Variants in EXOC2 observed in about 807,000 individuals in gnomAD.
EXOC2 encodes exocyst complex component 2, also known as SEC5-like 1.
In EXOC2, 70 loss-of-function variants were observed where a neutral mutation model predicts 131.8. The observed-to-expected ratio is 0.53, with a 90% CI of 0.44 to 0.65. The LOEUF is 0.65. Ranked by LOEUF, EXOC2 falls within the 30% of genes least tolerant of loss-of-function variation. EXOC2 has a pLI of 0.00. For missense variants in EXOC2, 923 were observed against 1,108.6 expected (o/e 0.83, Z 2.38); for synonymous variants, 411 against 398.4 (o/e 1.03, Z -0.38).
At chr6:579,896 A>T (rs956659789) in intron 11 of EXOC2, among the ~76,000 whole-genome samples, 1 of 152,236 alleles carries the variant, frequency 6.6e-6, no homozygotes, top group Non-Finnish European at 1.5e-5. Flanking sequence ...AAAAGAAAAA[A>T]ACAGTTTCCA....
At chr6:684,874 G>A (rs1042023722) in intron 1 of EXOC2, among the ~76,000 whole-genome samples, 1 of 152,152 alleles carries the variant, frequency 6.6e-6, no homozygotes, top group African/African-American at 2.4e-5. Flanking sequence ...ATTTAGTAAT[G>A]AAGAGTTTCG....
chr6:571,510 A>G lies in EXOC2; in HGVS notation c.1443+1010T>C, dbSNP rs56986853. Among the ~76,000 whole-genome samples the G allele has an allele frequency of 4.5e-3, 687 of 152,306 alleles. 4 individuals are homozygous for G. The highest frequency in any genetic ancestry group is 0.016 in the African/African-American group (663 of 41,552). On this transcript the variant is annotated intron_variant, in intron 13 of 27. Transcript: ENST00000230449. ...AGCACATCTCTATTTCCTTAATATC[A>G]GCATGAATTTATGGTCATGGCCAAA...
intron 13 of EXOC2, among the ~76,000 whole-genome samples, chr6:567,721 G>GTGCA (rs1405255000): frequency 3.9e-5 from 6 of 152,280 alleles, no homozygotes; most frequent in Admixed American, 6.5e-5. Flanking sequence ...TATATTACGT[G>GTGCA]TGCATGCATG....
intron 20 of EXOC2, 78 bp downstream of exon 20, chr6:555,149 A>T (rs544684410): frequency 1.3e-6 from 1 of 792,878 alleles, no homozygotes; most frequent in East Asian, 2.9e-5. Flanking sequence ...CTTAGGATAT[A>T]AGACCAAGCA....
chr6:488,905 T>C (rs150334185), intron 27 of EXOC2, 74 bp downstream of exon 27: 18,697 of 1,438,870 alleles, frequency 0.013, 143 homozygotes, highest in Middle Eastern at 0.016. Flanking sequence ...TCATTATTTT[T>C]AAAAGGTATT....
intron 1 of EXOC2, among the ~76,000 whole-genome samples, chr6:649,528 A>G (rs893986781): frequency 2.0e-5 from 3 of 152,064 alleles, no homozygotes; most frequent in Non-Finnish European, 4.4e-5. Context: ...AAAAAAAATC[A>G]TAATTCTGAT....
intron 23 of EXOC2, among the ~76,000 whole-genome samples, chr6:508,788 G>A (rs1764698442): frequency 6.6e-6 from 1 of 152,218 alleles, no homozygotes; most frequent in Admixed American, 6.5e-5. Flanking sequence ...TTGGCTAAAT[G>A]CCAAGTGGTG....
At chr6:656,089 A>C (rs760522430) in intron 1 of EXOC2, 2 of 1,552,394 alleles carry the variant, frequency 1.3e-6, no homozygotes, top group Non-Finnish European at 1.8e-6. Flanking sequence ...TAAAAAAAAA[A>C]TCTAAGCTGG....
intron 27 of EXOC2, among the ~76,000 whole-genome samples, chr6:487,367 A>G (rs889990249): frequency 6.6e-6 from 1 of 152,152 alleles, no homozygotes; most frequent in Non-Finnish European, 1.5e-5. Context: ...GCTGCCTGAT[A>G]TCGCAATCTG....
chr6:676,884 T>C (rs1255651877), intron 1 of EXOC2, among the ~76,000 whole-genome samples: 1 of 124,942 alleles, frequency 8.0e-6, no homozygotes, highest in African/African-American at 3.2e-5. Flanking sequence ...AAAGGACAGG[T>C]TCCTCTGGAG....
chr6:656,867 T>C (rs1355311303), intron 1 of EXOC2: 5 of 1,608,228 alleles, frequency 3.1e-6, no homozygotes, highest in African/African-American at 1.3e-5. Flanking sequence ...AGACCTTCGC[T>C]AGCCTCGCGA....
intron 4 of EXOC2, among the ~76,000 whole-genome samples, chr6:626,376 C>T (rs1761567706): frequency 6.6e-6 from 1 of 152,102 alleles, no homozygotes; most frequent in Admixed American, 6.5e-5. Context: ...TCTGACTCAC[C>T]CCAAAGAGCC....
At chr6:575,549 G>A (rs1317313321) in intron 12 of EXOC2, among the ~76,000 whole-genome samples, 1 of 103,386 alleles carries the variant, frequency 9.7e-6, no homozygotes, top group African/African-American at 3.1e-5. Context: ...CATGCGACAT[G>A]CTGGCTCCCC....
chr6:552,860 C>CCACA (rs371980411), intron 21 of EXOC2, among the ~76,000 whole-genome samples: 23 of 150,062 alleles, frequency 1.5e-4, no homozygotes, highest in South Asian at 6.4e-4. Flanking sequence ...CAGACACAGA[C>CCACA]CACACACACA....
At chr6:495,623 C>T (rs541206744) in intron 25 of EXOC2, among the ~76,000 whole-genome samples, 71 of 152,308 alleles carry the variant, frequency 4.7e-4, no homozygotes, top group African/African-American at 1.6e-3. Flanking sequence ...GAGCTCTTCC[C>T]TAAGCAGTTG....
intron 12 of EXOC2, among the ~76,000 whole-genome samples, chr6:574,918 C>A (rs149535858): frequency 1.1e-4 from 17 of 152,366 alleles, no homozygotes; most frequent in Admixed American, 3.9e-4. Flanking sequence ...TGGCAGGTGG[C>A]GTGCCACAGG....
chr6:600,630 A>G (rs981213661), intron 7 of EXOC2, among the ~76,000 whole-genome samples: 7 of 150,944 alleles, frequency 4.6e-5, no homozygotes, highest in Admixed American at 4.6e-4. Context: ...TGAATTCAAA[A>G]TTAGATTTTT....
chr6:528,216 T>G (rs949356932), intron 23 of EXOC2, among the ~76,000 whole-genome samples: 5 of 152,202 alleles, frequency 3.3e-5, no homozygotes, highest in African/African-American at 4.8e-5. Context: ...CAACTGGATT[T>G]TTTTTTTTAA....
In EXOC2 at chr6:627,242, CCAAAAAAAAAAAAA is replaced by C. The variant is rs1208994179; in HGVS notation, c.422+2579_422+2592del. Among the ~76,000 whole-genome samples the C allele has an allele frequency of 3.9e-4, 12 of 30,722 alleles. No homozygotes were observed. In the East Asian group the frequency reaches 0.014, roughly 35 times the overall value. The allele number at this position is 30,722 out of a possible 152,430, so 20.2% of individuals were successfully genotyped here. ...ATAAACACAGCTTTCTTGACAGTAT[CCAAAAAAAAAAAAA>C]AAAAAAAAGAAGCCTGGAAAAGCAT... On this transcript the variant is annotated intron_variant, in intron 4 of 27. Transcript: ENST00000230449.
Sources: allele counts gnomAD v4.1 joint callset (sites outside exome capture counted in the v4.1 genomes callset), GRCh38; gene constraint gnomAD v4.1.1; transcripts MANE v1.5; gene names NCBI Gene and HGNC (gene_info 2026-07-23, HGNC 2026-07-21).